PTPRN2: variants seen among roughly 807,000 people sequenced by gnomAD.
PTPRN2 encodes the protein receptor-type tyrosine-protein phosphatase N2.
PTPRN2 carries 74 observed loss-of-function variants against 118.8 expected under a neutral mutation model. The observed-to-expected ratio is 0.62, with a 90% CI of 0.52 to 0.76. PTPRN2 has a LOEUF of 0.76. PTPRN2 is among the 30% of genes least tolerant of loss of function. PTPRN2 has a pLI of 0.00. For synonymous variants in PTPRN2, 641 were observed against 608.0 expected (o/e 1.05, Z -0.80); for missense variants, 1,481 against 1,394.4 (o/e 1.06, Z -0.99).
At chr7:157,657,061 C>A in intron 13 of PTPRN2, among the ~76,000 whole-genome samples, 1 of 140,480 alleles carries the variant, frequency 7.1e-6, no homozygotes, top group African/African-American at 2.7e-5. Flanking sequence ...ACACCACACA[C>A]ACCACACACG....
chr7:157,854,619 C>G (rs758421530), intron 12 of PTPRN2: 1 of 152,550 alleles, frequency 6.6e-6, no homozygotes, highest in African/African-American at 2.4e-5. Context: ...GGCGATCGGA[C>G]GGGCAGGGAG....
At chr7:157,765,543 CATCCATT>C (rs1270116459) in intron 12 of PTPRN2, among the ~76,000 whole-genome samples, 1 of 145,244 alleles carries the variant, frequency 6.9e-6, no homozygotes, top group African/African-American at 2.6e-5. Context: ...CATCATCCAT[CATCCATT>C]TTTCCTCCAT....
intron 11 of PTPRN2, among the ~76,000 whole-genome samples, chr7:158,074,495 T>C (rs1006342023): frequency 4.6e-5 from 7 of 152,234 alleles, no homozygotes; most frequent in Non-Finnish European, 1.0e-4. Context: ...ACTTTTGGCA[T>C]GAAAAGGTCT....
At chr7:158,512,560 TCA>T (rs145355140) in intron 1 of PTPRN2, among the ~76,000 whole-genome samples, 16 of 150,764 alleles carry the variant, frequency 1.1e-4, no homozygotes, top group Non-Finnish European at 1.9e-4. Context: ...ACATGCATAG[TCA>T]CACACACACA....
chr7:158,130,879 A>G (rs564004720), intron 9 of PTPRN2, among the ~76,000 whole-genome samples: 16 of 148,802 alleles, frequency 1.1e-4, no homozygotes, highest in African/African-American at 4.1e-4. Flanking sequence ...ACACGCATGC[A>G]TATACGCACA....
In PTPRN2 at chr7:158,249,494, C is replaced by G. The variant is rs536317024; in HGVS notation, c.278-44221G>C. On this transcript the variant is annotated intron_variant, in intron 3 of 22. Coordinates refer to ENST00000389418, the MANE Select transcript of PTPRN2 (RefSeq NM_002847.5). ...ATCTACCACACCTGCACACACACAC[C>G]CTGCATGCACATGCATCACACACAT... Among the ~76,000 whole-genome samples, 130 of 151,092 alleles carry G rather than the reference C, an allele frequency of 8.6e-4. 2 individuals carry two copies. Among genetic ancestry groups the G allele is most frequent in the African/African-American group, 3.1e-3 (128 of 41,070 alleles).
chr7:158,138,175 C>A, intron 7 of PTPRN2, 119 bp downstream of exon 7: 1 of 842,550 alleles, frequency 1.2e-6, no homozygotes, highest in Non-Finnish European at 1.8e-6. Context: ...AATACAGATC[C>A]CCATCTCCCC....
chr7:157,571,506 G>C lies in PTPRN2; in HGVS notation c.2784-13C>G. ...CTTGTTTACTTTTCTGAAATAAAAA[G>C]AGATATAAAAATTATCGTTGTGTAC... On this transcript the variant is annotated splice_polypyrimidine_tract_variant and intron_variant, in intron 19 of 22. Transcript: ENST00000389418. 1 of 1,596,022 alleles carries C rather than the reference G, an allele frequency of 6.3e-7. No homozygotes were observed. Among genetic ancestry groups the C allele is most frequent in the South Asian group, 1.1e-5 (1 of 88,952 alleles).
In PTPRN2 at chr7:157,844,615, C is replaced by T. The variant is rs541882788; in HGVS notation, c.1788+54058G>A. On this transcript the variant is annotated intron_variant, in intron 12 of 22. Coordinates refer to ENST00000389418, the MANE Select transcript of PTPRN2 (RefSeq NM_002847.5). ...TAGAAAGAGAAGGCCTTCCACAGCA[C>T]GACCCCAGGGTGGTGATGAGGGCAC... 3.3e-4 allele frequency among the ~76,000 whole-genome samples: 50 copies of T among 152,278 alleles called. 1 individual carries two copies. Among genetic ancestry groups the T allele is most frequent in the African/African-American group, 1.1e-3 (46 of 41,554 alleles).
intron 2 of PTPRN2, among the ~76,000 whole-genome samples, chr7:158,408,400 A>G (rs1057363390): frequency 6.6e-6 from 1 of 152,208 alleles, no homozygotes; most frequent in African/African-American, 2.4e-5. Context: ...CTACAGTGGA[A>G]TTTTTCAAAT....
intron 2 of PTPRN2, among the ~76,000 whole-genome samples, chr7:158,382,800 G>A (rs1811061201): frequency 6.6e-6 from 1 of 152,198 alleles, no homozygotes; most frequent in Admixed American, 6.5e-5. Flanking sequence ...AACATGAACA[G>A]AGAGGTCTGA....
chr7:157,603,985 C>T lies in PTPRN2; in HGVS notation c.2418+17G>A, dbSNP rs557603265. ...CCAAGGGAAAGCCTGGGGCCCCTGTCCCGGCAGTGCACTTACGATGGGGCT... is the reference window on the plus strand; with the variant it reads ...CCAAGGGAAAGCCTGGGGCCCCTGTTCCGGCAGTGCACTTACGATGGGGCT... On this transcript the variant is annotated intron_variant, in intron 16 of 22. Coordinates refer to ENST00000389418, the MANE Select transcript of PTPRN2 (RefSeq NM_002847.5). This position sits in a 1 kb window ranked among gnomAD's most constrained non-coding sequence, Gnocchi z 5.4. 14 of 1,612,700 alleles carry T rather than the reference C, an allele frequency of 8.7e-6. No individual in the cohort carries two copies. In the South Asian group the frequency reaches 9.9e-5, roughly 11 times the overall value.
rs531691674 is a variant in PTPRN2 at position 157,622,161 on chromosome 7, C to T, written c.2197-652G>A. ...CCACTCGGTTCTTATTCATCTGTAC[C>T]GTTGAGAACAAGCCCTGATTTTAAG... On this transcript the variant is annotated intron_variant, in intron 14 of 22. Transcript: ENST00000389418. The surrounding 1 kb of genome is among the most constrained non-coding windows in gnomAD (Gnocchi z 5.3). Among the ~76,000 whole-genome samples the T allele has an allele frequency of 3.9e-5, 6 of 152,146 alleles. No individual in the cohort carries two copies. In the South Asian group the frequency reaches 8.3e-4, roughly 21 times the overall value.
At chr7:158,477,583 T>C (rs1820357383) in intron 2 of PTPRN2, among the ~76,000 whole-genome samples, 1 of 152,244 alleles carries the variant, frequency 6.6e-6, no homozygotes, top group Admixed American at 6.5e-5. Flanking sequence ...AATCAGACTT[T>C]GCTGCCATCA....
intron 12 of PTPRN2, among the ~76,000 whole-genome samples, chr7:157,725,217 C>T (rs1033920027): frequency 1.3e-5 from 2 of 149,708 alleles, no homozygotes; most frequent in Admixed American, 6.7e-5. Context: ...TGCGGCCAGA[C>T]CCTCGCCTCC....
At chr7:157,895,860 C>A (rs947738820) in intron 12 of PTPRN2, among the ~76,000 whole-genome samples, 2 of 152,126 alleles carry the variant, frequency 1.3e-5, no homozygotes, top group Admixed American at 1.3e-4. Flanking sequence ...GCACACGACC[C>A]AGTGGTGCGG....
intron 3 of PTPRN2, 63 bp from the exon 4 acceptor site, chr7:158,205,336 C>T: frequency 3.2e-6 from 4 of 1,232,852 alleles, no homozygotes; most frequent in Admixed American, 1.8e-5. Flanking sequence ...GCTCTTGCTT[C>T]AGTCTCACAA....
intron 3 of PTPRN2, among the ~76,000 whole-genome samples, chr7:158,310,198 G>A (rs1801590597): frequency 6.6e-6 from 1 of 152,220 alleles, no homozygotes; most frequent in Admixed American, 6.5e-5. Flanking sequence ...AGCAACTTTG[G>A]GTCTGGGAAA....
intron 13 of PTPRN2, among the ~76,000 whole-genome samples, chr7:157,673,906 C>G (rs1030464134): frequency 1.3e-4 from 20 of 152,302 alleles, no homozygotes; most frequent in Non-Finnish European, 2.5e-4. Context: ...CAAAGGCAGA[C>G]TGGGCCGACT....
Sources: allele counts gnomAD v4.1 joint callset (sites outside exome capture counted in the v4.1 genomes callset), GRCh38; gene constraint gnomAD v4.1.1; non-coding constraint Gnocchi (gnomAD v3.1); transcripts MANE v1.5; gene names NCBI Gene and HGNC (gene_info 2026-07-23, HGNC 2026-07-21).